Variants in HERC1 observed in about 807,000 individuals in gnomAD.
HERC1 encodes probable E3 ubiquitin-protein ligase HERC1.
Under a neutral mutation model 554.3 loss-of-function variants are expected in HERC1, and 160 were observed. The ratio of observed to expected loss-of-function variants is 0.29; its 90% CI spans 0.25 to 0.33. HERC1 has a LOEUF of 0.33. HERC1 is among the 10% of genes least tolerant of loss of function. The pLI is 1.00. For synonymous variants in HERC1, 2,175 were observed against 2,131.7 expected (o/e 1.02, Z -0.56); for missense variants, 4,919 against 5,918.5 (o/e 0.83, Z 5.54).
At position 63,692,930 on chromosome 15, in the gene HERC1, C is replaced by T. The variant is rs2072189475; in HGVS notation, c.5675-364G>A. On this transcript the variant is annotated intron_variant, in intron 30 of 77. Coordinates refer to ENST00000443617, the MANE Select transcript of HERC1 (RefSeq NM_003922.4). This position sits in a 1 kb window ranked among gnomAD's most constrained non-coding sequence, Gnocchi z 4.7. The stretch of plus-strand genomic sequence containing the variant: ...GCGCAATGGCTCACATCTGTAATCC[C>T]AGCACTTTGGGAGGTCGAGGCGGGC... Among the ~76,000 whole-genome samples, 1 of 152,148 alleles carries T rather than the reference C, an allele frequency of 6.6e-6. No homozygotes were observed. Among genetic ancestry groups the T allele is most frequent in the Non-Finnish European group, 1.5e-5 (1 of 68,028 alleles).
rs775948491 is a variant in HERC1, at chr15:63,655,842, G to A, written c.9984C>T (p.Thr3328=). ...CCTGTGTTACAACAAAGTTTGGGGA[G>A]GTCACAAGCTTGTTCTCTTCAGCAA... The part of the protein sequence containing the change: ...RGIAEENKLV[T]SPNFVVTQAL... The change falls in exon 50 of 78, where the codon ACC becomes ACT. Residue 3328 remains threonine, a synonymous_variant. Transcript: ENST00000443617. 11 of 1,605,166 alleles carry A rather than the reference G, an allele frequency of 6.9e-6. No individual in the cohort carries two copies. Among genetic ancestry groups the A allele is most frequent in the Middle Eastern group, 1.6e-4 (1 of 6,072 alleles).
chr15:63,712,573 T>C (rs2073354803), intron 24 of HERC1, among the ~76,000 whole-genome samples: 1 of 152,230 alleles, frequency 6.6e-6, no homozygotes, highest in African/African-American at 2.4e-5. Flanking sequence ...ATTTAGAGTT[T>C]AAAAAGAAGT....
intron 51 of HERC1, among the ~76,000 whole-genome samples, chr15:63,652,873 T>C (rs1384995080): frequency 6.6e-6 from 1 of 152,148 alleles, no homozygotes; most frequent in Non-Finnish European, 1.5e-5. Context: ...TGGTCTCGAA[T>C]GCCTGGCCTC....
intron 64 of HERC1, chr15:63,637,257 C>A: frequency 1.8e-6 from 1 of 551,810 alleles, no homozygotes; most frequent in Non-Finnish European, 3.3e-6. Flanking sequence ...CATTTGTTTA[C>A]AATCTTCAGT....
intron 10 of HERC1, among the ~76,000 whole-genome samples, chr15:63,748,140 C>T (rs1001019985): frequency 6.6e-6 from 1 of 152,026 alleles, no homozygotes; most frequent in African/African-American, 2.4e-5. Flanking sequence ...GCAGGGGAAT[C>T]GCTTGAACCT....
intron 1 of HERC1, among the ~76,000 whole-genome samples, chr15:63,816,748 G>A (rs1201665803): frequency 6.6e-6 from 1 of 152,082 alleles, no homozygotes; most frequent in Non-Finnish European, 1.5e-5. Flanking sequence ...GGCATACAGT[G>A]TCCTAAACAT....
chr15:63,831,622 C>T (rs1052868156), intron 1 of HERC1, among the ~76,000 whole-genome samples: 1 of 152,072 alleles, frequency 6.6e-6, no homozygotes, highest in African/African-American at 2.4e-5. Context: ...AAAAGGTCAG[C>T]TCCTTCAATA....
intron 14 of HERC1, 22 bp downstream of exon 14, chr15:63,732,902 C>T (rs1188512043): frequency 6.8e-7 from 1 of 1,466,142 alleles, no homozygotes; most frequent in Admixed American, 1.7e-5. Context: ...TCTTTTTTTA[C>T]TACAATGAAA....
At chr15:63,623,174 G>A (rs1196757993) in intron 73 of HERC1, among the ~76,000 whole-genome samples, 15 of 152,124 alleles carry the variant, frequency 9.9e-5, no homozygotes, top group Non-Finnish European at 2.9e-5. Context: ...TGTTCAAATC[G>A]AATCAGTAAT....
At chr15:63,679,999 A>G in intron 36 of HERC1, 78 bp downstream of exon 36, 1 of 971,608 alleles carries the variant, frequency 1.0e-6, no homozygotes, top group Non-Finnish European at 1.5e-6. Context: ...GAAATAGCTT[A>G]TTATATTTAT....
At chr15:63,730,876 G>T (rs1439883916) in intron 14 of HERC1, among the ~76,000 whole-genome samples, 1 of 152,234 alleles carries the variant, frequency 6.6e-6, no homozygotes, top group East Asian at 1.9e-4. Flanking sequence ...TTTAAAAAGA[G>T]ATGCTTTGTA....
In HERC1 at chr15:63,661,045, C is replaced by T. The variant is rs1595915147; in HGVS notation, c.9171-20G>A. 1 of 1,597,808 alleles carries T rather than the reference C, an allele frequency of 6.3e-7. No homozygotes were observed. The highest frequency in any genetic ancestry group is 1.1e-5 in the South Asian group (1 of 90,502). ...TTGTACCTGCACCAAACATGAAGAACATTGCATTTTTATATAAAACAGTTA... is the reference window on the plus strand; with the variant it reads ...TTGTACCTGCACCAAACATGAAGAATATTGCATTTTTATATAAAACAGTTA... On this transcript the variant is annotated intron_variant, in intron 45 of 77. Coordinates refer to ENST00000443617, the MANE Select transcript of HERC1 (RefSeq NM_003922.4).
At chr15:63,772,209 G>T (rs552131992) in intron 2 of HERC1, among the ~76,000 whole-genome samples, 20 of 152,066 alleles carry the variant, frequency 1.3e-4, no homozygotes, top group African/African-American at 4.3e-4. Context: ...GAGGCTAAAT[G>T]GACACTGAGA....
chr15:63,829,182 G>T (rs950264644), intron 1 of HERC1, among the ~76,000 whole-genome samples: 3 of 151,974 alleles, frequency 2.0e-5, no homozygotes, highest in African/African-American at 7.3e-5. Flanking sequence ...ACTCTGAGAG[G>T]CCAAGGTGGG....
At chr15:63,616,168 G>C (rs188736640) in intron 75 of HERC1, among the ~76,000 whole-genome samples, 19 of 152,238 alleles carry the variant, frequency 1.2e-4, no homozygotes, top group South Asian at 2.1e-4. Flanking sequence ...CGTGACCTCA[G>C]GCCTCCCCTT....
intron 58 of HERC1, 34 bp from the exon 59 acceptor site, chr15:63,643,092 T>C (rs1280828626): frequency 8.1e-7 from 1 of 1,234,942 alleles, no homozygotes; most frequent in Admixed American, 1.8e-5. Flanking sequence ...TACACACCAT[T>C]GAACTGTAGG....
chr15:63,675,317 G>T (rs181956438), intron 37 of HERC1, 200 bp from the exon 38 acceptor site: 157 of 481,896 alleles, frequency 3.3e-4, no homozygotes, highest in African/African-American at 3.0e-3. Flanking sequence ...ACTAAATGCA[G>T]AAGCAATGAG....
At chr15:63,688,097 A>G (rs1216723064) in intron 33 of HERC1, among the ~76,000 whole-genome samples, 1 of 152,236 alleles carries the variant, frequency 6.6e-6, no homozygotes, top group Non-Finnish European at 1.5e-5. Flanking sequence ...ACTTTAGGGC[A>G]TAACAATGGA....
chr15:63,794,903 T>G (rs1312015090), intron 1 of HERC1, among the ~76,000 whole-genome samples: 1 of 151,710 alleles, frequency 6.6e-6, no homozygotes, highest in African/African-American at 2.4e-5. Flanking sequence ...CTATCTCTAC[T>G]AAAAATACAA....
Sources: allele counts gnomAD v4.1 joint callset (sites outside exome capture counted in the v4.1 genomes callset), GRCh38; gene constraint gnomAD v4.1.1; non-coding constraint Gnocchi (gnomAD v3.1); transcripts MANE v1.5; gene names NCBI Gene and HGNC (gene_info 2026-07-23, HGNC 2026-07-21).